PTPRD: variants seen among roughly 807,000 people sequenced by gnomAD.
PTPRD encodes the protein receptor-type tyrosine-protein phosphatase delta.
Under a neutral mutation model 214.5 loss-of-function variants are expected in PTPRD, and 34 were observed. The observed-to-expected ratio is 0.16, with a 90% CI of 0.12 to 0.21. PTPRD has a LOEUF of 0.21. Ranked by LOEUF, PTPRD falls within the 10% of genes least tolerant of loss-of-function variation. PTPRD has a pLI of 1.00. For missense variants in PTPRD, 2,545 were observed against 2,398.7 expected (o/e 1.06, Z -1.27); for synonymous variants, 1,128 against 845.7 (o/e 1.33, Z -5.79).
intron 3 of PTPRD, among the ~76,000 whole-genome samples, chr9:10,119,242 T>G (rs1242911722): frequency 2.0e-5 from 3 of 151,862 alleles, no homozygotes; most frequent in African/African-American, 7.2e-5. Context: ...AATAATCCTA[T>G]AAGGCAGAGA....
At chr9:9,051,793 G>C (rs1363796994) in intron 10 of PTPRD, among the ~76,000 whole-genome samples, 1 of 152,126 alleles carries the variant, frequency 6.6e-6, no homozygotes, top group Non-Finnish European at 1.5e-5. Context: ...GACTGACTAA[G>C]GTGCTTATAC....
At chr9:9,994,406 T>A (rs2096056188) in intron 4 of PTPRD, among the ~76,000 whole-genome samples, 1 of 152,178 alleles carries the variant, frequency 6.6e-6, no homozygotes, top group Admixed American at 6.5e-5. Context: ...ATAATTTATG[T>A]TTATCTCTTC....
intron 9 of PTPRD, among the ~76,000 whole-genome samples, chr9:9,196,898 T>C (rs2099938923): frequency 1.3e-5 from 2 of 152,174 alleles, no homozygotes; most frequent in South Asian, 4.1e-4. Context: ...GCTATTCTCC[T>C]GTTGAACATA....
intron 2 of PTPRD, among the ~76,000 whole-genome samples, chr9:10,465,998 G>A (rs771682861): frequency 3.3e-5 from 5 of 152,094 alleles, no homozygotes; most frequent in Admixed American, 1.3e-4. Flanking sequence ...TATGATTACC[G>A]ATTGAAAAAC....
At chr9:10,076,091 T>A (rs758185974) in intron 3 of PTPRD, among the ~76,000 whole-genome samples, 4 of 152,056 alleles carry the variant, frequency 2.6e-5, no homozygotes, top group African/African-American at 9.7e-5. Flanking sequence ...CTCTTCCCAT[T>A]TTCACTGCCA....
chr9:10,238,355 G>C (rs1159870181), intron 3 of PTPRD, among the ~76,000 whole-genome samples: 1 of 151,736 alleles, frequency 6.6e-6, no homozygotes, highest in East Asian at 1.9e-4. Flanking sequence ...TTACCAATCA[G>C]AACTTGCCAG....
chr9:9,674,523 TGTTTA>T (rs1487419837), intron 7 of PTPRD, among the ~76,000 whole-genome samples: 2 of 151,688 alleles, frequency 1.3e-5, no homozygotes, highest in Non-Finnish European at 3.0e-5. Context: ...AGACAAGAAG[TGTTTA>T]GTTGATTTTT....
chr9:9,589,077 T>C (rs187998612), intron 7 of PTPRD, among the ~76,000 whole-genome samples: 3 of 152,106 alleles, frequency 2.0e-5, no homozygotes, highest in Non-Finnish European at 2.9e-5. Context: ...AAGCAATTCA[T>C]GCCATTTCAA....
intron 4 of PTPRD, among the ~76,000 whole-genome samples, chr9:9,996,798 G>A (rs2096136544): frequency 6.6e-6 from 1 of 152,066 alleles, no homozygotes; most frequent in Non-Finnish European, 1.5e-5. Flanking sequence ...CATCCAGGAA[G>A]GTTACTAAAG....
At chr9:10,047,355 T>TGTGC (rs2097425934) in intron 3 of PTPRD, among the ~76,000 whole-genome samples, 1 of 139,436 alleles carries the variant, frequency 7.2e-6, no homozygotes, top group African/African-American at 2.6e-5. Flanking sequence ...TGTGTGTGCT[T>TGTGC]GTGTGATAAT....
At chr9:10,501,281 C>G (rs1407712210) in intron 2 of PTPRD, among the ~76,000 whole-genome samples, 1 of 151,966 alleles carries the variant, frequency 6.6e-6, no homozygotes, top group Non-Finnish European at 1.5e-5. Context: ...TTGTATTTCT[C>G]TGCTGATCAA....
chr9:9,146,065 G>T (rs965625999), intron 10 of PTPRD, among the ~76,000 whole-genome samples: 3 of 152,134 alleles, frequency 2.0e-5, no homozygotes, highest in African/African-American at 7.2e-5. Context: ...ACACTTATGA[G>T]TGTTCAGTGA....
intron 8 of PTPRD, among the ~76,000 whole-genome samples, chr9:9,454,544 C>T (rs1019692728): frequency 5.3e-5 from 8 of 151,664 alleles, no homozygotes; most frequent in African/African-American, 1.9e-4. Context: ...CAAGTGTTCC[C>T]ATTAGTTCAG....
chr9:10,383,288 C>A (rs893726338), intron 2 of PTPRD, among the ~76,000 whole-genome samples: 1 of 151,800 alleles, frequency 6.6e-6, no homozygotes, highest in Non-Finnish European at 1.5e-5. Context: ...GACCACTATA[C>A]TCTTTAATAA....
intron 9 of PTPRD, among the ~76,000 whole-genome samples, chr9:9,332,754 G>GT (rs150824697): frequency 0.017 from 2,540 of 146,066 alleles, 31 homozygotes; most frequent in African/African-American, 0.02. Flanking sequence ...ACAGAGGAGG[G>GT]TTTTTTTTTT....
At chr9:10,399,062 G>A (rs1055718865) in intron 2 of PTPRD, among the ~76,000 whole-genome samples, 12 of 151,952 alleles carry the variant, frequency 7.9e-5, no homozygotes, top group Non-Finnish European at 1.6e-4. Context: ...ATTATCTGAA[G>A]TGAGATTGAG....
At chr9:9,763,247 C>T (rs989214309) in intron 6 of PTPRD, among the ~76,000 whole-genome samples, 2 of 152,132 alleles carry the variant, frequency 1.3e-5, no homozygotes, top group Admixed American at 1.3e-4. Context: ...TATGCATACC[C>T]ATGACATAGA....
intron 9 of PTPRD, among the ~76,000 whole-genome samples, chr9:9,362,351 T>C (rs1383986818): frequency 6.6e-6 from 1 of 151,048 alleles, no homozygotes; most frequent in Non-Finnish European, 1.5e-5. Flanking sequence ...CTAGGAAACA[T>C]ACGTAAGGTT....
chr9:9,955,798 A>G (rs34381361), intron 4 of PTPRD, among the ~76,000 whole-genome samples: 2,000 of 152,292 alleles, frequency 0.013, 20 homozygotes, highest in Non-Finnish European at 0.02. Flanking sequence ...CTGGGATTAC[A>G]GGCGTGAGCC....
Sources: gnomAD v4.1 joint callset for allele counts (sites outside exome capture counted in the v4.1 genomes callset) on GRCh38, gnomAD v4.1.1 for gene constraint, MANE v1.5 for transcripts, NCBI Gene and HGNC (gene_info 2026-07-23, HGNC 2026-07-21) for gene names.